The following SCUBE1 variants were observed in gnomAD, a reference collection of about 807,000 sequenced individuals.
SCUBE1 encodes signal peptide, CUB and EGF-like domain-containing protein 1.
In SCUBE1, 59 loss-of-function variants were observed where a neutral mutation model predicts 124.4. The observed-to-expected ratio is 0.47, with a 90% confidence interval of 0.38 to 0.59. SCUBE1 has a LOEUF of 0.59. Ranked by LOEUF, SCUBE1 falls within the 20% of genes least tolerant of loss-of-function variation. SCUBE1 has a pLI of 0.00. For synonymous variants in SCUBE1, 545 were observed against 550.9 expected (o/e 0.99, Z 0.15); for missense variants, 1,150 against 1,371.2 (o/e 0.84, Z 2.55).
chr22:43,342,593 T>C (rs1292756571), intron 1 of SCUBE1, among the ~76,000 whole-genome samples: 1 of 151,730 alleles, frequency 6.6e-6, no homozygotes, highest in Admixed American at 6.6e-5. Context: ...CCATCCCTCT[T>C]GATTCCCCCT....
At chr22:43,223,025 G>A in intron 11 of SCUBE1, 72 bp downstream of exon 11, 4 of 1,486,352 alleles carry the variant, frequency 2.7e-6, no homozygotes, top group Non-Finnish European at 3.6e-6. Flanking sequence ...GGACAGCTGG[G>A]AGCAATGGTG....
rs1044794333 is a variant in SCUBE1 at position 43,255,107 on chromosome 22, T to C, written c.727+3112A>G. 1.3e-5 allele frequency among the ~76,000 whole-genome samples: 2 copies of C among 152,238 alleles called. No individual in the cohort carries two copies. The highest frequency in any genetic ancestry group is 2.9e-5 in the Non-Finnish European group (2 of 68,044). The stretch of plus-strand genomic sequence containing the variant: ...CTTTGCTGAGCCTGGGAATCCTAAC[T>C]GTGAATGTGGGTGTTCACGCAAGTC... On this transcript the variant is annotated intron_variant, in intron 6 of 21. Coordinates refer to ENST00000360835, the MANE Select transcript of SCUBE1 (RefSeq NM_173050.5). The surrounding 1 kb of genome is among the most constrained non-coding windows in gnomAD (Gnocchi z 4.7).
In SCUBE1 at chr22:43,289,009, C is replaced by T. The variant is rs548564661; in HGVS notation, c.484+2037G>A. ...ACCTGTAACAAACAGGCTGTGGCTG[C>T]GGGTGTGATCTGCCCACAGCACACC... On this transcript the variant is annotated intron_variant, in intron 4 of 21. Coordinates refer to ENST00000360835, the MANE Select transcript of SCUBE1 (RefSeq NM_173050.5). 2.0e-3 allele frequency among the ~76,000 whole-genome samples: 304 copies of T among 152,368 alleles called. 1 individual carries two copies. Among genetic ancestry groups the T allele is most frequent in the African/African-American group, 6.7e-3 (277 of 41,586 alleles).
intron 10 of SCUBE1, among the ~76,000 whole-genome samples, chr22:43,225,003 AC>A (rs1403673472): frequency 6.6e-6 from 1 of 152,186 alleles, no homozygotes; most frequent in Non-Finnish European, 1.5e-5. Flanking sequence ...GGAACTTCTG[AC>A]ACATCAAAAC....
intron 19 of SCUBE1, among the ~76,000 whole-genome samples, chr22:43,209,770 G>A (rs7288122): frequency 0.011 from 1,636 of 152,326 alleles, 39 homozygotes; most frequent in African/African-American, 0.038. Flanking sequence ...GCTCGTGGCC[G>A]GAGTTGAGAC....
intron 4 of SCUBE1, among the ~76,000 whole-genome samples, chr22:43,285,806 G>T (rs1297657031): frequency 6.6e-6 from 1 of 152,226 alleles, no homozygotes; most frequent in African/African-American, 2.4e-5. Context: ...CTGGAGGGCT[G>T]CCCCGAGGCC....
chr22:43,217,339 TTCA>T (rs1485851070), intron 15 of SCUBE1, among the ~76,000 whole-genome samples: 92 of 146,854 alleles, frequency 6.3e-4, no homozygotes, highest in Non-Finnish European at 5.7e-4. Context: ...CAGCCCACTC[TTCA>T]TCAAGTTTCC....
intron 6 of SCUBE1, among the ~76,000 whole-genome samples, chr22:43,239,370 G>A (rs142856826): frequency 6.4e-4 from 97 of 152,364 alleles, no homozygotes; most frequent in Middle Eastern, 3.4e-3. Flanking sequence ...ACTTGGAGGT[G>A]ACTGGGGCCC....
At chr22:43,236,681 C>T (rs191238933) in intron 7 of SCUBE1, among the ~76,000 whole-genome samples, 17 of 152,300 alleles carry the variant, frequency 1.1e-4, no homozygotes, top group African/African-American at 3.9e-4. Context: ...CCCCTGCCCC[C>T]ATCATTGCCT....
At chr22:43,209,172 T>C (rs2146652606) in intron 19 of SCUBE1, among the ~76,000 whole-genome samples, 1 of 152,282 alleles carries the variant, frequency 6.6e-6, no homozygotes, top group East Asian at 1.9e-4. Flanking sequence ...AACGCAACTC[T>C]GGAGGAGCAG....
rs539045750 is a variant in SCUBE1 at position 43,320,130 on chromosome 22, T to C, written c.221-65A>G. 8.1e-6 allele frequency: 13 copies of C among 1,595,168 alleles called. No individual in the cohort carries two copies. In the East Asian group the frequency reaches 1.1e-4, roughly 14 times the overall value. On this transcript the variant is annotated intron_variant, in intron 2 of 21. Transcript: ENST00000360835. Reference sequence around the variant, plus strand: ...CTGGTGGTCCCCTCTCCCAACACCATGGAAGCCACCGGGATCTGAGTGATT... The same window carrying C: ...CTGGTGGTCCCCTCTCCCAACACCACGGAAGCCACCGGGATCTGAGTGATT...
At chr22:43,246,737 C>T (rs1923228098) in intron 6 of SCUBE1, among the ~76,000 whole-genome samples, 1 of 152,238 alleles carries the variant, frequency 6.6e-6, no homozygotes, top group African/African-American at 2.4e-5. Flanking sequence ...TCGTGGGCTG[C>T]CCCGGAGATG....
At chr22:43,338,302 C>T (rs2146803889) in intron 2 of SCUBE1, among the ~76,000 whole-genome samples, 1 of 152,292 alleles carries the variant, frequency 6.6e-6, no homozygotes, top group South Asian at 2.1e-4. Context: ...ACCAGCACCC[C>T]AGGTGCAGGG....
In SCUBE1 at chr22:43,343,366, T is replaced by G; in HGVS notation, c.-105A>C. ...TCGCTGCTCGCCGCTCCGCCACCGC[T>G]CGGGCTCCCGAGCCGCCCAGCCAGC... On this transcript the variant is annotated 5_prime_UTR_variant, in exon 1 of 22. Coordinates refer to ENST00000360835, the MANE Select transcript of SCUBE1 (RefSeq NM_173050.5). 1 of 466,744 alleles carries G rather than the reference T, an allele frequency of 2.1e-6. No individual in the cohort carries two copies. The highest frequency in any genetic ancestry group is 2.9e-6 in the Non-Finnish European group (1 of 346,760). 28.9% of individuals were successfully genotyped at this position (466,744 alleles called of 1,614,324 possible).
intron 4 of SCUBE1, among the ~76,000 whole-genome samples, chr22:43,290,839 C>T (rs974506474): frequency 6.6e-6 from 1 of 152,218 alleles, no homozygotes; most frequent in Non-Finnish European, 1.5e-5. Context: ...GAGAAACACC[C>T]GCAGCCCTAG....
intron 7 of SCUBE1, 60 bp from the exon 8 acceptor site, chr22:43,231,935 C>CG: frequency 2.5e-6 from 4 of 1,592,318 alleles, no homozygotes; most frequent in African/African-American, 2.7e-5. Context: ...GTGTGACCAG[C>CG]GGGGGGACGG....
intron 3 of SCUBE1, among the ~76,000 whole-genome samples, chr22:43,308,734 C>T (rs1158041323): frequency 6.6e-6 from 1 of 152,216 alleles, no homozygotes; most frequent in Non-Finnish European, 1.5e-5. Flanking sequence ...GGGCTCCAGG[C>T]CCCATCGGGA....
intron 4 of SCUBE1, among the ~76,000 whole-genome samples, chr22:43,265,116 C>T (rs141368148): frequency 1.3e-5 from 2 of 152,368 alleles, no homozygotes; most frequent in African/African-American, 4.8e-5. Flanking sequence ...TGCTAATCAT[C>T]ACCAACCATA....
chr22:43,220,881 C>T (rs953800514), intron 13 of SCUBE1, among the ~76,000 whole-genome samples: 3 of 152,126 alleles, frequency 2.0e-5, no homozygotes, highest in Admixed American at 6.5e-5. Context: ...AGTGCAGACT[C>T]GGCTCTGGGC....
Sources: gnomAD v4.1 joint callset for allele counts (sites outside exome capture counted in the v4.1 genomes callset) on GRCh38, gnomAD v4.1.1 for gene constraint, Gnocchi (gnomAD v3.1) non-coding constraint, MANE v1.5 for transcripts, NCBI Gene and HGNC (gene_info 2026-07-23, HGNC 2026-07-21) for gene names.